TNRC6B: variants seen among roughly 807,000 people sequenced by gnomAD.
TNRC6B encodes trinucleotide repeat-containing gene 6B protein.
Under a neutral mutation model 203.6 loss-of-function variants are expected in TNRC6B, and 52 were observed. The observed-to-expected ratio is 0.26, with a 90% CI of 0.20 to 0.32. The LOEUF is 0.32. TNRC6B is among the 10% of genes least tolerant of loss of function. The pLI, the probability that TNRC6B is intolerant of heterozygous loss-of-function variation, is 1.00. For synonymous variants in TNRC6B, 838 were observed against 845.7 expected (o/e 0.99, Z 0.16); for missense variants, 1,923 against 2,286.2 (o/e 0.84, Z 3.24).
At chr22:40,282,417 C>T (rs940811925) in intron 11 of TNRC6B, among the ~76,000 whole-genome samples, 3 of 152,148 alleles carry the variant, frequency 2.0e-5, no homozygotes, top group Non-Finnish European at 4.4e-5. Flanking sequence ...ATTTTCCTTA[C>T]TGCTTCCACA....
chr22:40,252,743 T>C (rs762774866), intron 3 of TNRC6B, among the ~76,000 whole-genome samples: 10 of 152,192 alleles, frequency 6.6e-5, no homozygotes, highest in Non-Finnish European at 1.3e-4. Flanking sequence ...CTTTGTAAAT[T>C]ACTTGCTTGA....
rs1049594137 is a variant in TNRC6B, at chr22:40,091,248, A to C, written c.-120-25807A>C. ...TCCGCCCGCCTCAGCCTCCCAAAGC[A>C]TGATGATATTTTTTAAAAAAGCTAT... On this transcript the variant is annotated intron_variant, in intron 1 of 23. Transcript: ENST00000301923. 2.6e-5 allele frequency among the ~76,000 whole-genome samples: 4 copies of C among 152,084 alleles called. No individual in the cohort carries two copies. The East Asian group carries it at 5.8e-4, about 22-fold the overall frequency.
intron 1 of TNRC6B, among the ~76,000 whole-genome samples, chr22:40,182,250 A>G (rs575303091): frequency 1.4e-4 from 21 of 152,314 alleles, no homozygotes; most frequent in South Asian, 4.1e-4. Context: ...GTCTCAAAAA[A>G]AAAAGAAAAG....
chr22:40,264,300 G>A (rs887307434), intron 4 of TNRC6B, among the ~76,000 whole-genome samples: 20 of 152,146 alleles, frequency 1.3e-4, no homozygotes, highest in Non-Finnish European at 4.4e-5. Flanking sequence ...ACTGTTGAAG[G>A]TTCTCCATAC....
At chr22:40,178,219 A>G in intron 1 of TNRC6B, 79 bp downstream of exon 1, 1 of 1,531,572 alleles carries the variant, frequency 6.5e-7, no homozygotes, top group African/African-American at 1.4e-5. Flanking sequence ...GTGGTGTTGC[A>G]AATCGACATT....
intron 3 of TNRC6B, among the ~76,000 whole-genome samples, chr22:40,153,331 T>G (rs1472850302): frequency 6.6e-6 from 1 of 151,796 alleles, no homozygotes; most frequent in Admixed American, 6.6e-5. Flanking sequence ...ATTCCAGAGA[T>G]GAAGAGGAGG....
At chr22:40,061,736 C>T (rs2075846054) in intron 1 of TNRC6B, among the ~76,000 whole-genome samples, 1 of 151,394 alleles carries the variant, frequency 6.6e-6, no homozygotes, top group Non-Finnish European at 1.5e-5. Flanking sequence ...TTTTACATAC[C>T]ACAATCTATC....
chr22:40,292,140 G>C (rs1327495760), intron 12 of TNRC6B, among the ~76,000 whole-genome samples: 1 of 152,158 alleles, frequency 6.6e-6, no homozygotes, highest in African/African-American at 2.4e-5. Context: ...CTTGCAGTGA[G>C]CCGAGATCGT....
At chr22:40,253,596 T>C in intron 3 of TNRC6B, 1 of 455,972 alleles carries the variant, frequency 2.2e-6, no homozygotes. Context: ...CTCCCACCAC[T>C]CCAATCAAAA....
At chr22:40,169,987 A>C (rs1351308459) in intron 4 of TNRC6B, among the ~76,000 whole-genome samples, 1 of 151,920 alleles carries the variant, frequency 6.6e-6, no homozygotes. Context: ...TTAACAGGTA[A>C]CATATTTAGG....
intron 1 of TNRC6B, among the ~76,000 whole-genome samples, chr22:40,048,342 C>T (rs2146260337): frequency 6.6e-6 from 1 of 152,248 alleles, no homozygotes; most frequent in Admixed American, 6.5e-5. Flanking sequence ...AGATCAAGAC[C>T]ATTCTGGCCA....
chr22:40,101,197 T>C (rs558687398), intron 1 of TNRC6B, among the ~76,000 whole-genome samples: 1 of 152,300 alleles, frequency 6.6e-6, no homozygotes, highest in South Asian at 2.1e-4. Flanking sequence ...TTTCATTGCG[T>C]TAGCCAGGAT....
At chr22:40,194,494 G>T (rs2069312048) in intron 1 of TNRC6B, among the ~76,000 whole-genome samples, 1 of 152,208 alleles carries the variant, frequency 6.6e-6, no homozygotes, top group South Asian at 2.1e-4. Flanking sequence ...TGCTGGGCCA[G>T]CTTTCCTTCC....
intron 1 of TNRC6B, among the ~76,000 whole-genome samples, chr22:40,051,549 C>G (rs1031830100): frequency 2.6e-5 from 4 of 152,320 alleles, no homozygotes; most frequent in Non-Finnish European, 4.4e-5. Flanking sequence ...CAGATTGCCC[C>G]CACACTGATC....
Position 40,266,895 on chromosome 22 carries a change from A to G in TNRC6B, c.2665A>G (p.Ile889Val). 6.2e-7 allele frequency: 1 copy of G among 1,614,042 alleles called. No individual in the cohort carries two copies. Among genetic ancestry groups the G allele is most frequent in the Non-Finnish European group, 8.5e-7 (1 of 1,179,902 alleles). Residue 889 changes from isoleucine to valine, a missense_variant, in exon 5 of 23, where the codon ATT becomes GTT. By Grantham distance (29) the Ile-to-Val change is conservative. Transcript: ENST00000454349. ...ACAGTCAATTAGTCGGAAAATGGAC[A>G]TTGATGATGGCACTTCAGCATGGGG... ...SPQSISRKMD[I>V]DDGTSAWGDP...
intron 1 of TNRC6B, among the ~76,000 whole-genome samples, chr22:40,225,611 C>T (rs962688267): frequency 1.3e-5 from 2 of 151,976 alleles, no homozygotes; most frequent in Non-Finnish European, 2.9e-5. Context: ...GGTGTGGCGG[C>T]GTGTGCCTGT....
rs12485008 is a variant in TNRC6B at position 40,323,732 on chromosome 22, G to A, written c.*491G>A. On this transcript the variant is annotated 3_prime_UTR_variant, in exon 23 of 23. Transcript: ENST00000454349. ...AAATTCAAAAGAATTGTTGGGGGAGGGGGGAGGGAAGACTTGACGGAGCCT... is the reference window on the plus strand; with the variant it reads ...AAATTCAAAAGAATTGTTGGGGGAGAGGGGAGGGAAGACTTGACGGAGCCT... 3 of 131,056 alleles carry A rather than the reference G, an allele frequency of 2.3e-5. No homozygotes were observed. Among genetic ancestry groups the A allele is most frequent in the Admixed American group, 1.5e-4 (2 of 13,216 alleles). The allele number at this position is 131,056 out of a possible 1,614,324, so 8.1% of individuals were successfully genotyped here.
chr22:40,252,205 A>T (rs1198825275), intron 3 of TNRC6B, among the ~76,000 whole-genome samples: 1 of 152,222 alleles, frequency 6.6e-6, no homozygotes, highest in Non-Finnish European at 1.5e-5. Context: ...TTAGGTATGC[A>T]TAAGAATCAT....
intron 1 of TNRC6B, among the ~76,000 whole-genome samples, chr22:40,232,657 A>G (rs2069889333): frequency 6.6e-6 from 1 of 152,216 alleles, no homozygotes. Flanking sequence ...GCGGGGAAAA[A>G]GCTTTCAAAT....
Sources: allele counts gnomAD v4.1 joint callset (sites outside exome capture counted in the v4.1 genomes callset), GRCh38; gene constraint gnomAD v4.1.1; transcripts MANE v1.5; gene names NCBI Gene and HGNC (gene_info 2026-07-23, HGNC 2026-07-21).